Variants in GRIK3 observed in about 807,000 individuals in gnomAD.
GRIK3 encodes the protein glutamate receptor ionotropic, kainate 3.
In GRIK3, 29 loss-of-function variants were observed where a neutral mutation model predicts 102.5. The observed-to-expected ratio is 0.28, with a 90% CI of 0.21 to 0.39. GRIK3 has a LOEUF of 0.39. Ranked by LOEUF, GRIK3 falls within the 10% of genes least tolerant of loss-of-function variation. The probability of loss-of-function intolerance (pLI) is 1.00; values close to 1 mark genes in which losing one functional copy is unlikely to be tolerated. For missense variants in GRIK3, 908 were observed against 1,252.4 expected (o/e 0.73, Z 4.15); for synonymous variants, 511 against 504.9 (o/e 1.01, Z -0.16).
chr1:36,906,501 G>A (rs1297367004), intron 1 of GRIK3, among the ~76,000 whole-genome samples: 1 of 152,222 alleles, frequency 6.6e-6, no homozygotes, highest in Non-Finnish European at 1.5e-5. Flanking sequence ...ATACTATTTA[G>A]AAAACAGCAA....
At chr1:36,827,425 A>G (rs1345359788) in intron 10 of GRIK3, among the ~76,000 whole-genome samples, 2 of 151,776 alleles carry the variant, frequency 1.3e-5, no homozygotes, top group Non-Finnish European at 2.9e-5. Context: ...AAGGTTAAAG[A>G]CCTTTCTGGC....
rs1641135819 is a variant in GRIK3 at position 36,893,176 on chromosome 1, A to C, written c.116-2080T>G. On this transcript the variant is annotated intron_variant, in intron 1 of 15. Transcript: ENST00000373091. ...TCAAAAACATCAGAAACCATAAAAG[A>C]AAGTTTGATAGCTCCACAAAAATAA... Among the ~76,000 whole-genome samples the C allele has an allele frequency of 2.0e-5, 3 of 152,318 alleles. No individual in the cohort carries two copies. The South Asian group carries it at 6.2e-4, about 32-fold the overall frequency.
intron 1 of GRIK3, among the ~76,000 whole-genome samples, chr1:37,009,108 C>T (rs1050191673): frequency 2.0e-5 from 3 of 150,364 alleles, no homozygotes; most frequent in Non-Finnish European, 4.4e-5. Context: ...ATAATAATAT[C>T]AACCTCGAAC....
chr1:36,910,604 C>G (rs1451193520), intron 1 of GRIK3, among the ~76,000 whole-genome samples: 2 of 152,228 alleles, frequency 1.3e-5, no homozygotes, highest in Admixed American at 6.5e-5. Context: ...AGTTGCTTCC[C>G]CTGCTGGACA....
intron 2 of GRIK3, among the ~76,000 whole-genome samples, chr1:36,887,924 T>TGTAG (rs1641060007): frequency 6.6e-6 from 1 of 152,040 alleles, no homozygotes; most frequent in Non-Finnish European, 1.5e-5. Flanking sequence ...CTAGTGAAGA[T>TGTAG]GTAGGGCAAG....
At chr1:36,932,673 C>T in intron 1 of GRIK3, among the ~76,000 whole-genome samples, 1 of 152,184 alleles carries the variant, frequency 6.6e-6, no homozygotes, top group East Asian at 1.9e-4. Flanking sequence ...TCCAAACTGC[C>T]ACTTGGAATC....
chr1:36,945,005 C>T (rs1641767173), intron 1 of GRIK3, among the ~76,000 whole-genome samples: 1 of 152,216 alleles, frequency 6.6e-6, no homozygotes, highest in Non-Finnish European at 1.5e-5. Flanking sequence ...CCTAGAGAGG[C>T]TGCCCCAGCC....
intron 1 of GRIK3, among the ~76,000 whole-genome samples, chr1:36,892,273 C>T (rs1369347712): frequency 2.6e-5 from 4 of 152,102 alleles, no homozygotes; most frequent in Admixed American, 6.6e-5. Flanking sequence ...CCTGCCTTGG[C>T]CTGCCTCCCA....
intron 10 of GRIK3, among the ~76,000 whole-genome samples, chr1:36,826,787 T>C (rs1284245106): frequency 6.6e-6 from 1 of 152,080 alleles, no homozygotes; most frequent in Non-Finnish European, 1.5e-5. Flanking sequence ...CTAGGAATGC[T>C]GTGTTAATAA....
intron 1 of GRIK3, among the ~76,000 whole-genome samples, chr1:37,003,022 T>TG (rs1642494446): frequency 1.3e-3 from 2 of 1,496 alleles, no homozygotes; most frequent in African/African-American, 2.4e-3. Flanking sequence ...AAAGCTGTTG[T>TG]TTTTTTTTTT....
At chr1:36,875,075 C>T (rs1640898664) in intron 3 of GRIK3, among the ~76,000 whole-genome samples, 1 of 152,324 alleles carries the variant, frequency 6.6e-6, no homozygotes, top group South Asian at 2.1e-4. Flanking sequence ...CCTATTTAAC[C>T]ATCTCCCAAT....
intron 1 of GRIK3, among the ~76,000 whole-genome samples, chr1:36,948,614 T>A (rs1386402672): frequency 6.6e-6 from 1 of 152,132 alleles, no homozygotes; most frequent in Non-Finnish European, 1.5e-5. Flanking sequence ...CAGGGGAGAT[T>A]AATAATAACT....
chr1:37,026,098 T>C (rs765917711), intron 1 of GRIK3, among the ~76,000 whole-genome samples: 1 of 152,154 alleles, frequency 6.6e-6, no homozygotes, highest in Non-Finnish European at 1.5e-5. Context: ...GTACTCCCCA[T>C]CTGAGAAGGG....
At chr1:37,013,487 G>C (rs987657013) in intron 1 of GRIK3, among the ~76,000 whole-genome samples, 1 of 152,192 alleles carries the variant, frequency 6.6e-6, no homozygotes, top group Non-Finnish European at 1.5e-5. Flanking sequence ...GAGCCAACCA[G>C]AACTTTTGCC....
chr1:36,853,597 T>C lies in GRIK3; in HGVS notation c.1212+18A>G, dbSNP rs781551194. 1 of 1,542,742 alleles carries C rather than the reference T, an allele frequency of 6.5e-7. No individual in the cohort carries two copies. Among genetic ancestry groups the C allele is most frequent in the South Asian group, 1.1e-5 (1 of 89,700 alleles). ...CCCCTGCTCCTCCGCCTGCCCTCCCTCTCCTGAGACCACGCACCTTCTCCA... is the reference window on the plus strand; with the variant it reads ...CCCCTGCTCCTCCGCCTGCCCTCCCCCTCCTGAGACCACGCACCTTCTCCA... On this transcript the variant is annotated intron_variant, in intron 8 of 15. Coordinates refer to ENST00000373091, the MANE Select transcript of GRIK3 (RefSeq NM_000831.4).
At position 36,880,636 on chromosome 1, in the gene GRIK3, G is replaced by A; in HGVS notation, c.548C>T (p.Thr183Ile). Residue 183 changes from threonine (T) to isoleucine (I), a missense_variant and splice_region_variant, in exon 3 of 16, where the codon ACA (threonine) becomes ATA (isoleucine). Thr to Ile is a moderately conservative substitution (Grantham distance 89). Around this residue, in one of 3 missense-constraint regions of GRIK3, gnomAD observed 585 missense variants for 824.9 expected, o/e 0.71. Coordinates refer to ENST00000373091, the MANE Select transcript of GRIK3 (RefSeq NM_000831.4). This position sits in a 1 kb window ranked among gnomAD's most constrained non-coding sequence, Gnocchi z 5.4. ...CCTAGCCAGGCCTGGCCACCCACCTGTACTGTCGTCATAGACCACGGTGGC... is the reference window on the plus strand; with the variant it reads ...CCTAGCCAGGCCTGGCCACCCACCTATACTGTCGTCATAGACCACGGTGGC... ...RSATVVYDDSTGLIRLQELIM... is the reference protein window; with the variant it reads ...RSATVVYDDSIGLIRLQELIM... The A allele has an allele frequency of 1.2e-6, 2 of 1,614,034 alleles. No homozygotes were observed. Among genetic ancestry groups the A allele is most frequent in the Non-Finnish European group, 1.7e-6 (2 of 1,179,916 alleles).
chr1:37,032,376 T>A (rs927055312), intron 1 of GRIK3, among the ~76,000 whole-genome samples: 4 of 151,732 alleles, frequency 2.6e-5, no homozygotes, highest in Non-Finnish European at 4.4e-5. Context: ...GATGGGCAAA[T>A]AGCACCCTCT....
intron 1 of GRIK3, among the ~76,000 whole-genome samples, chr1:36,913,636 C>A (rs562701101): frequency 2.0e-5 from 3 of 152,176 alleles, no homozygotes; most frequent in Non-Finnish European, 4.4e-5. Context: ...CAGAAAGGGG[C>A]CTGGTGGAGC....
Position 36,850,756 on chromosome 1 carries a change from C to T in GRIK3, c.1213-332G>A, listed in dbSNP as rs113437433. On this transcript the variant is annotated intron_variant, in intron 8 of 15. Coordinates refer to ENST00000373091, the MANE Select transcript of GRIK3 (RefSeq NM_000831.4). This position sits in a 1 kb window ranked among gnomAD's most constrained non-coding sequence, Gnocchi z 4.0. ...CAGGGGTCTCAGGGCTGAGCAGATG[C>T]CAATCAGGGGCTGGAGGGAATCAGG... is the stretch of plus-strand genomic sequence containing the variant. 2.4e-4 allele frequency among the ~76,000 whole-genome samples: 36 copies of T among 152,278 alleles called. No individual in the cohort carries two copies. The highest frequency in any genetic ancestry group is 8.2e-4 in the African/African-American group (34 of 41,564).
Sources: gnomAD v4.1 joint callset for allele counts (sites outside exome capture counted in the v4.1 genomes callset) on GRCh38, gnomAD v4.1.1 for gene constraint, gnomAD v4.1.1 regional missense constraint, Gnocchi (gnomAD v3.1) non-coding constraint, MANE v1.5 for transcripts, NCBI Gene and HGNC (gene_info 2026-07-23, HGNC 2026-07-21) for gene names.